The following RIPOR2 variants were observed in gnomAD, a reference collection of about 807,000 sequenced individuals.
RIPOR2 encodes RHO family interacting cell polarization regulator 2, also known as rho family-interacting cell polarization regulator 2.
A neutral mutation model predicts 114.5 loss-of-function variants in RIPOR2; 39 were observed. That is an observed-to-expected ratio of 0.34 (90% CI 0.26 to 0.44). The LOEUF is 0.44. Among genes scored for constraint, RIPOR2 ranks in the 20% least tolerant of loss-of-function variants. The pLI is 1.00. For missense variants in RIPOR2, 1,007 were observed against 1,255.1 expected (o/e 0.80, Z 2.99); for synonymous variants, 445 against 484.4 (o/e 0.92, Z 1.07).
chr6:24,807,186 G>A (rs4282395), intron 21 of RIPOR2, among the ~76,000 whole-genome samples: 1 of 151,820 alleles, frequency 6.6e-6, no homozygotes, highest in Admixed American at 6.6e-5. Context: ...CAGAAGTTCA[G>A]CTGGGTGTGG....
chr6:24,919,558 G>T (rs1377209313), intron 1 of RIPOR2, among the ~76,000 whole-genome samples: 1 of 152,164 alleles, frequency 6.6e-6, no homozygotes, highest in Non-Finnish European at 1.5e-5. Context: ...GGGATGGAAG[G>T]CTGTATTTCA....
chr6:25,039,853 A>C (rs1777392639), intron 1 of RIPOR2, among the ~76,000 whole-genome samples: 2 of 152,230 alleles, frequency 1.3e-5, no homozygotes, highest in African/African-American at 4.8e-5. Flanking sequence ...CCCAGAGAAA[A>C]CTGATGGCTT....
At chr6:25,020,695 T>C (rs547873233) in intron 1 of RIPOR2, among the ~76,000 whole-genome samples, 1 of 152,314 alleles carries the variant, frequency 6.6e-6, no homozygotes, top group Admixed American at 6.5e-5. Flanking sequence ...TCCCCTCTTA[T>C]TACCAAACAG....
intron 1 of RIPOR2, among the ~76,000 whole-genome samples, chr6:24,973,204 T>G (rs987431480): frequency 6.6e-6 from 1 of 152,242 alleles, no homozygotes; most frequent in Non-Finnish European, 1.5e-5. Flanking sequence ...TTGGTGGGAA[T>G]GTAAATTAGT....
At chr6:24,830,185 C>G (rs113953862) in intron 17 of RIPOR2, among the ~76,000 whole-genome samples, 1 of 152,084 alleles carries the variant, frequency 6.6e-6, no homozygotes, top group Non-Finnish European at 1.5e-5. Context: ...AGGCTGGTCT[C>G]GAACTCCTGA....
upstream of RIPOR2, chr6:24,936,078 G>A (rs896880312): frequency 3.4e-5 from 19 of 566,542 alleles, no homozygotes; most frequent in South Asian, 1.1e-4. Context: ...GCCTTGTGAA[G>A]AGTGAATCCC....
In RIPOR2 at chr6:24,976,423, T is replaced by C. The variant is rs1774049000; in HGVS notation, c.76+65428A>G. The C allele has an allele frequency of 2.6e-6, 4 of 1,550,888 alleles. No individual in the cohort carries two copies. The South Asian group carries it at 4.5e-5, about 17-fold the overall frequency. ...GAAAACCGTGTGCTATTAGCCATGGTCAACCCCACCATGTTCTTCGACATT... is the reference window on the plus strand; with the variant it reads ...GAAAACCGTGTGCTATTAGCCATGGCCAACCCCACCATGTTCTTCGACATT... On this transcript the variant is annotated intron_variant, in intron 1 of 13. Coordinates refer to the RIPOR2 transcript ENST00000510784.
intron 1 of RIPOR2, among the ~76,000 whole-genome samples, chr6:24,991,116 C>T (rs1330183475): frequency 1.3e-5 from 2 of 152,174 alleles, no homozygotes; most frequent in Admixed American, 1.3e-4. Context: ...TTCTAACAAG[C>T]ATGCGTCATT....
At chr6:25,013,764 G>T (rs1225705119) in intron 1 of RIPOR2, among the ~76,000 whole-genome samples, 1 of 152,154 alleles carries the variant, frequency 6.6e-6, no homozygotes, top group Non-Finnish European at 1.5e-5. Flanking sequence ...ATCAGAAAGT[G>T]AGTGTTGAAA....
intron 1 of RIPOR2, among the ~76,000 whole-genome samples, chr6:24,929,707 T>G (rs1202638761): frequency 6.6e-6 from 1 of 152,198 alleles, no homozygotes; most frequent in Non-Finnish European, 1.5e-5. Flanking sequence ...TGGCAGATAA[T>G]TAGTAGACAA....
At chr6:24,906,869 G>A (rs1189030959) in intron 1 of RIPOR2, among the ~76,000 whole-genome samples, 1 of 152,010 alleles carries the variant, frequency 6.6e-6, no homozygotes, top group African/African-American at 2.4e-5. Flanking sequence ...AAACTCCTGG[G>A]TTCAAGCGAT....
intron 1 of RIPOR2, among the ~76,000 whole-genome samples, chr6:24,876,627 T>C (rs1419147253): frequency 2.6e-5 from 4 of 152,172 alleles, no homozygotes; most frequent in Non-Finnish European, 2.9e-5. Context: ...AAGAATATTC[T>C]GAAAGCTAAG....
chr6:24,991,121 G>A (rs1029084085), intron 1 of RIPOR2, among the ~76,000 whole-genome samples: 2 of 152,108 alleles, frequency 1.3e-5, no homozygotes, highest in Admixed American at 6.5e-5. Flanking sequence ...ACAAGCATGC[G>A]TCATTAGCCC....
intron 20 of RIPOR2, among the ~76,000 whole-genome samples, chr6:24,811,613 T>G (rs1171096473): frequency 1.3e-5 from 2 of 151,984 alleles, no homozygotes; most frequent in African/African-American, 4.8e-5. Context: ...CATCTTGCCA[T>G]TGAAAGGGAA....
At chr6:24,847,608 G>A in intron 12 of RIPOR2, 1 of 1,551,716 alleles carries the variant, frequency 6.4e-7, no homozygotes. Context: ...AGCGGCTGCG[G>A]TGCAGCTTGG....
At chr6:24,875,933 G>A (rs999111060) in intron 1 of RIPOR2, 116 bp from the exon 2 acceptor site, 20 of 956,118 alleles carry the variant, frequency 2.1e-5, no homozygotes, top group Non-Finnish European at 2.5e-5. Flanking sequence ...TTAAGTGCTT[G>A]TGAGGTTCTT....
At chr6:24,852,189 G>A (rs769103977) in intron 9 of RIPOR2, among the ~76,000 whole-genome samples, 18 of 152,092 alleles carry the variant, frequency 1.2e-4, no homozygotes, top group Non-Finnish European at 2.4e-4. Flanking sequence ...TTGAATCCAG[G>A]TGGCAGAGGT....
At chr6:24,894,703 T>C (rs986737547) in intron 1 of RIPOR2, among the ~76,000 whole-genome samples, 3 of 152,094 alleles carry the variant, frequency 2.0e-5, no homozygotes, top group African/African-American at 7.2e-5. Flanking sequence ...CCCATAACCA[T>C]TCCCAACCAC....
At chr6:24,825,452 T>C in intron 18 of RIPOR2, 24 bp from the exon 19 acceptor site, 26 of 1,476,016 alleles carry the variant, frequency 1.8e-5, no homozygotes, top group African/African-American at 2.8e-5. Context: ...AGGAAGGAGA[T>C]TTCATGTTCT....
Sources: gnomAD v4.1 joint callset for allele counts (sites outside exome capture counted in the v4.1 genomes callset) on GRCh38, gnomAD v4.1.1 for gene constraint, MANE v1.5 for transcripts, NCBI Gene and HGNC (gene_info 2026-07-23, HGNC 2026-07-21) for gene names.